The following SLC2A5 variants were observed in gnomAD, a reference collection of about 807,000 sequenced individuals.
SLC2A5 encodes the protein solute carrier family 2, facilitated glucose transporter member 5.
A neutral mutation model predicts 50.3 loss-of-function variants in SLC2A5; 56 were observed. The observed-to-expected ratio is 1.11, with a 90% CI of 0.90 to 1.39. The LOEUF (loss-of-function observed/expected upper bound fraction) is 1.39. SLC2A5 is among the 40% of genes most tolerant of loss of function. The pLI is 0.00. For synonymous variants in SLC2A5, 269 were observed against 281.9 expected (o/e 0.95, Z 0.46); for missense variants, 566 against 650.1 (o/e 0.87, Z 1.41).
intron 3 of SLC2A5, among the ~76,000 whole-genome samples, chr1:9,056,240 C>T (rs1239047937): frequency 6.6e-6 from 1 of 152,108 alleles, no homozygotes; most frequent in Non-Finnish European, 1.5e-5. Flanking sequence ...GGCTGGAGTG[C>T]GATGGTGCGA....
chr1:9,059,536 C>CTTT (rs58395185), intron 1 of SLC2A5, among the ~76,000 whole-genome samples: 10,346 of 98,128 alleles, frequency 0.11, 1,105 homozygotes, highest in East Asian at 0.38. Context: ...TACAGAGAAT[C>CTTT]TTTTTTTTTT....
chr1:9,043,142 C>T (rs1015114745), intron 4 of SLC2A5, among the ~76,000 whole-genome samples: 10 of 152,156 alleles, frequency 6.6e-5, no homozygotes, highest in African/African-American at 2.4e-4. Context: ...GTCCAAGTAT[C>T]AGGTACCAAA....
At chr1:9,063,735 G>A (rs1361860462) in intron 1 of SLC2A5, among the ~76,000 whole-genome samples, 7 of 102,746 alleles carry the variant, frequency 6.8e-5, no homozygotes, top group Admixed American at 5.1e-4. Flanking sequence ...TCGCTCTGTC[G>A]CCCAGGCTGG....
At position 9,052,271 on chromosome 1, in the gene SLC2A5, G is replaced by A. The variant is rs532340662; in HGVS notation, c.294-4537C>T. ...TGCACTCCAGCCTGGGTGACAGAGC[G>A]AGACTCCGTCTCAAAAAAAAAGAAA... On this transcript the variant is annotated intron_variant, in intron 3 of 11. Transcript: ENST00000377424. Among the ~76,000 whole-genome samples, 8 of 151,990 alleles carry A rather than the reference G, an allele frequency of 5.3e-5. No homozygotes were observed. In the East Asian group the frequency reaches 1.2e-3, roughly 22 times the overall value.
Position 9,037,603 on chromosome 1 carries a change from C to T in SLC2A5, c.1489G>A (p.Val497Ile), listed in dbSNP as rs1266065778. ...EKEELKELPP[V>I]TSEQ ...CTCCAGAGTCACTGTTCCGAAGTGA[C>T]AGGTGGAAGCTCTTTCAGTTCCTCC... The change falls in exon 12 of 12, where the codon GTC becomes ATC. Residue 497 changes from valine to isoleucine, a missense_variant. Physicochemically the swap from Val to Ile is conservative, Grantham distance 29 (BLOSUM62 3). Coordinates refer to ENST00000377424, the MANE Select transcript of SLC2A5 (RefSeq NM_003039.3). 6.2e-7 allele frequency: 1 copy of T among 1,613,812 alleles called. No individual in the cohort carries two copies. Among genetic ancestry groups the T allele is most frequent in the African/African-American group, 1.3e-5 (1 of 74,942 alleles).
rs116156364 is a variant in SLC2A5 at position 9,064,337 on chromosome 1, C to G, written c.33+5167G>C. Among the ~76,000 whole-genome samples the G allele has an allele frequency of 2.9e-3, 447 of 152,022 alleles. 4 individuals carry two copies. Among genetic ancestry groups the G allele is most frequent in the African/African-American group, 9.9e-3 (410 of 41,452 alleles). ...AAAGGGAGGGGCTGAAGAGGATGTG[C>G]GGGTCTCTGGCCAGCTTGTTAAAAT... On this transcript the variant is annotated intron_variant, in intron 1 of 11. Coordinates refer to ENST00000377424, the MANE Select transcript of SLC2A5 (RefSeq NM_003039.3).
At chr1:9,038,758 G>A in intron 9 of SLC2A5, 70 bp downstream of exon 9, 2 of 1,496,878 alleles carry the variant, frequency 1.3e-6, no homozygotes, top group South Asian at 1.3e-5. Flanking sequence ...GCAGGTGGAG[G>A]CGCAGGATGG....
intron 1 of SLC2A5, among the ~76,000 whole-genome samples, chr1:9,060,178 ATACACACAC>A (rs1166553441): frequency 6.9e-6 from 1 of 144,026 alleles, no homozygotes; most frequent in Non-Finnish European, 1.5e-5. Flanking sequence ...TACATACACA[ATACACACAC>A]TACACACACA....
At chr1:9,070,302 A>C (rs978050428), upstream of SLC2A5, among the ~76,000 whole-genome samples, 1 of 151,808 alleles carries the variant, frequency 6.6e-6, no homozygotes, top group Non-Finnish European at 1.5e-5. Flanking sequence ...GCTGGTCTCG[A>C]ACTCCTGACC....
At chr1:9,067,924 T>C (rs1242306030) in intron 1 of SLC2A5, among the ~76,000 whole-genome samples, 1 of 152,080 alleles carries the variant, frequency 6.6e-6, no homozygotes, top group Non-Finnish European at 1.5e-5. Context: ...GCGCGGTGGC[T>C]CACACCTGTA....
At chr1:9,078,408 G>C (rs11121317) in intron 2 of SLC2A5, among the ~76,000 whole-genome samples, 35,844 of 151,898 alleles carry the variant, frequency 0.24, 4,473 homozygotes, top group East Asian at 0.45. Context: ...CACTTTACTC[G>C]GTCCCTATTC....
chr1:9,087,552 G>T (rs1422758381), intron 1 of SLC2A5, among the ~76,000 whole-genome samples: 4 of 152,110 alleles, frequency 2.6e-5, no homozygotes, highest in Non-Finnish European at 4.4e-5. Flanking sequence ...ACCCGGGATG[G>T]GTGTTGGCGG....
intron 3 of SLC2A5, among the ~76,000 whole-genome samples, chr1:9,048,802 C>T (rs1447771634): frequency 1.3e-5 from 2 of 151,872 alleles, no homozygotes; most frequent in East Asian, 1.9e-4. Context: ...ATTACAGGCA[C>T]GTGCCCCCAC....
intron 1 of SLC2A5, among the ~76,000 whole-genome samples, chr1:9,063,990 C>A (rs559888408): frequency 1.5e-5 from 2 of 130,390 alleles, no homozygotes; most frequent in African/African-American, 6.8e-5. Context: ...CCACCGCGCC[C>A]GGCCTATTTA....
chr1:9,053,760 G>A (rs1488452150), intron 3 of SLC2A5, among the ~76,000 whole-genome samples: 1 of 149,762 alleles, frequency 6.7e-6, no homozygotes, highest in Non-Finnish European at 1.5e-5. Flanking sequence ...TGTAATCTCA[G>A]CTATTTGGGA....
At position 9,041,947 on chromosome 1, in the gene SLC2A5, G is replaced by A. The variant is rs1641316564; in HGVS notation, c.419-10C>T. ...ACGTTGGAAGATACACCTGGGAGGAGGTGAAATAGAAACACCATCAGAAAA... is the reference window on the plus strand; with the variant it reads ...ACGTTGGAAGATACACCTGGGAGGAAGTGAAATAGAAACACCATCAGAAAA... On this transcript the variant is annotated splice_polypyrimidine_tract_variant and intron_variant, in intron 4 of 11. Transcript: ENST00000377424. 1 of 1,574,306 alleles carries A rather than the reference G, an allele frequency of 6.4e-7. No homozygotes were observed. The highest frequency in any genetic ancestry group is 1.9e-5 in the Admixed American group (1 of 52,104).
intron 1 of SLC2A5, among the ~76,000 whole-genome samples, chr1:9,063,528 A>G (rs112969678): frequency 0.075 from 11,368 of 151,098 alleles, 611 homozygotes; most frequent in Middle Eastern, 0.16. Context: ...GCATGCCACC[A>G]CGCCTGGCTA....
intron 3 of SLC2A5, among the ~76,000 whole-genome samples, chr1:9,050,814 A>C (rs1244672086): frequency 2.0e-5 from 3 of 152,222 alleles, no homozygotes; most frequent in African/African-American, 7.2e-5. Flanking sequence ...ACAAAATATG[A>C]TTTGAGATAA....
chr1:9,089,546 C>T (rs571487849), upstream of SLC2A5, among the ~76,000 whole-genome samples: 8 of 152,308 alleles, frequency 5.3e-5, no homozygotes, highest in East Asian at 7.7e-4. Flanking sequence ...AAAAGGCAAG[C>T]GTCTCTGTTT....
Sources: gnomAD v4.1 joint callset for allele counts (sites outside exome capture counted in the v4.1 genomes callset) on GRCh38, gnomAD v4.1.1 for gene constraint, MANE v1.5 for transcripts, NCBI Gene and HGNC (gene_info 2026-07-23, HGNC 2026-07-21) for gene names.